Variants in SRGAP2C observed in about 807,000 individuals in gnomAD.
SRGAP2C encodes SLIT-ROBO Rho GTPase-activating protein 2C.
A neutral mutation model predicts 25.1 loss-of-function variants in SRGAP2C; 15 were observed. That is an observed-to-expected ratio of 0.60 (90% CI 0.40 to 0.92). The LOEUF (loss-of-function observed/expected upper bound fraction) is 0.92, where lower values mean the gene tolerates loss of function less well. Among genes scored for constraint, SRGAP2C ranks in the 40% least tolerant of loss-of-function variants. The probability of loss-of-function intolerance (pLI) is 0.00; values close to 1 mark genes in which losing one functional copy is unlikely to be tolerated. For synonymous variants in SRGAP2C, 44 were observed against 96.6 expected (o/e 0.46, Z 3.19); for missense variants, 144 against 264.4 (o/e 0.54, Z 3.16).
At chr1:121,237,488 T>C (rs1385687338) in intron 2 of SRGAP2C, among the ~76,000 whole-genome samples, 2 of 152,084 alleles carry the variant, frequency 1.3e-5, no homozygotes, top group African/African-American at 4.8e-5. Flanking sequence ...CAGTAATTTA[T>C]AGTCTATTAT....
intron 2 of SRGAP2C, among the ~76,000 whole-genome samples, chr1:121,198,290 TTTTG>T (rs1328271620): frequency 8.6e-5 from 13 of 151,624 alleles, no homozygotes; most frequent in Admixed American, 2.0e-4. Context: ...TGTTTTTTTT[TTTTG>T]TTTGTTTGTT....
At chr1:121,379,332 C>A (rs1462483796) in intron 7 of SRGAP2C, among the ~76,000 whole-genome samples, 2 of 150,836 alleles carry the variant, frequency 1.3e-5, no homozygotes, top group African/African-American at 2.4e-5. Context: ...GATGGGCTGT[C>A]ATTAACTTCT....
At chr1:121,238,376 C>T (rs1369154345) in intron 2 of SRGAP2C, among the ~76,000 whole-genome samples, 2 of 151,082 alleles carry the variant, frequency 1.3e-5, no homozygotes, top group African/African-American at 4.9e-5. Context: ...TAATTTCATT[C>T]TACATTCATG....
chr1:121,286,708 A>G (rs1433034624), intron 3 of SRGAP2C, among the ~76,000 whole-genome samples: 19 of 152,162 alleles, frequency 1.2e-4, no homozygotes, highest in African/African-American at 4.1e-4. Flanking sequence ...CATTTGGGAA[A>G]TGCTGTTCCA....
intron 3 of SRGAP2C, among the ~76,000 whole-genome samples, chr1:121,285,923 G>T (rs1657354349): frequency 6.6e-6 from 1 of 152,020 alleles, no homozygotes; most frequent in African/African-American, 2.4e-5. Flanking sequence ...TTCTCCCTGG[G>T]CCACATTGGA....
chr1:121,377,966 T>C (rs1298447634), intron 7 of SRGAP2C, among the ~76,000 whole-genome samples: 1 of 152,174 alleles, frequency 6.6e-6, no homozygotes, highest in Non-Finnish European at 1.5e-5. Flanking sequence ...CAATAGAAGA[T>C]GTGTTTCTTA....
chr1:121,209,500 AG>A (rs1488730014), intron 2 of SRGAP2C, among the ~76,000 whole-genome samples: 1 of 151,082 alleles, frequency 6.6e-6, no homozygotes, highest in Non-Finnish European at 1.5e-5. Flanking sequence ...CTTCTTATTC[AG>A]TTTTACACTA....
intron 4 of SRGAP2C, among the ~76,000 whole-genome samples, chr1:121,347,762 G>T (rs1553344321): frequency 6.6e-6 from 1 of 152,022 alleles, no homozygotes. Context: ...GCCCTGTAGC[G>T]CCTGTGGAGA....
chr1:121,253,763 C>T (rs1302595961), intron 2 of SRGAP2C, among the ~76,000 whole-genome samples: 6 of 150,728 alleles, frequency 4.0e-5, no homozygotes, highest in Non-Finnish European at 7.4e-5. Flanking sequence ...CTACCTGGGC[C>T]TTATAACCTG....
intron 7 of SRGAP2C, among the ~76,000 whole-genome samples, chr1:121,377,919 A>G (rs1452060873): frequency 4.6e-5 from 7 of 151,868 alleles, no homozygotes; most frequent in African/African-American, 1.7e-4. Flanking sequence ...TTAGATATGT[A>G]TGTACACACT....
chr1:121,278,100 C>G (rs1407382865), intron 2 of SRGAP2C, among the ~76,000 whole-genome samples: 1 of 151,464 alleles, frequency 6.6e-6, no homozygotes, highest in African/African-American at 2.4e-5. Flanking sequence ...ACCACCTCCC[C>G]CCGCCAGCTA....
intron 2 of SRGAP2C, among the ~76,000 whole-genome samples, chr1:121,201,588 T>C (rs1366936879): frequency 6.6e-6 from 1 of 152,266 alleles, no homozygotes; most frequent in Non-Finnish European, 1.5e-5. Context: ...GGCATGCGCG[T>C]GTGCGCGCAC....
intron 2 of SRGAP2C, among the ~76,000 whole-genome samples, chr1:121,268,180 A>G (rs1191754677): frequency 1.3e-5 from 2 of 150,984 alleles, no homozygotes; most frequent in African/African-American, 4.9e-5. Context: ...AGGTAAGAGC[A>G]TAGAGAGTGT....
intron 4 of SRGAP2C, chr1:121,360,887 T>C (rs1659176470): frequency 6.6e-6 from 1 of 151,286 alleles, no homozygotes; most frequent in African/African-American, 2.4e-5. Flanking sequence ...CTGAACAATC[T>C]TTAGGGTGGG....
chr1:121,327,875 G>T (rs1307545699), intron 4 of SRGAP2C, among the ~76,000 whole-genome samples: 2 of 152,228 alleles, frequency 1.3e-5, no homozygotes, highest in Non-Finnish European at 2.9e-5. Context: ...CTGAGACCTT[G>T]GACAATGACT....
chr1:121,214,088 A>T (rs587615587), intron 2 of SRGAP2C, among the ~76,000 whole-genome samples: 45 of 147,030 alleles, frequency 3.1e-4, no homozygotes, highest in African/African-American at 1.1e-3. Context: ...TGCAACCTCC[A>T]CCTCCTGGGT....
chr1:121,377,287 G>A (rs1198606248), intron 7 of SRGAP2C, among the ~76,000 whole-genome samples: 1 of 18,710 alleles, frequency 5.3e-5, no homozygotes, highest in Non-Finnish European at 1.0e-4. Context: ...TTTTTTTTTT[G>A]AGAAGGAGTC....
chr1:121,384,796 C>T (rs1351091078), intron 8 of SRGAP2C, among the ~76,000 whole-genome samples: 1 of 152,022 alleles, frequency 6.6e-6, no homozygotes, highest in Admixed American at 6.6e-5. Flanking sequence ...TATTACCTTG[C>T]ACCCTGGTAG....
At chr1:121,258,287 G>A (rs1442909686) in intron 2 of SRGAP2C, among the ~76,000 whole-genome samples, 1 of 151,594 alleles carries the variant, frequency 6.6e-6, no homozygotes, top group Non-Finnish European at 1.5e-5. Flanking sequence ...TGGATGAGGA[G>A]TCTTCTTTTA....
Sources: allele counts gnomAD v4.1 joint callset (sites outside exome capture counted in the v4.1 genomes callset), GRCh38; gene constraint gnomAD v4.1.1; transcripts MANE v1.5; gene names NCBI Gene and HGNC (gene_info 2026-07-23, HGNC 2026-07-21).